The following MET variants were observed in gnomAD, a reference collection of about 807,000 sequenced individuals.
MET encodes MET proto-oncogene, receptor tyrosine kinase, also known as hepatocyte growth factor receptor.
In MET, 48 loss-of-function variants were observed where a neutral mutation model predicts 133.1. That is an observed-to-expected ratio of 0.36 (90% CI 0.29 to 0.46). MET has a LOEUF of 0.46. Ranked by LOEUF, MET falls within the 20% of genes least tolerant of loss-of-function variation. MET has a pLI of 1.00. For missense variants in MET, 1,442 were observed against 1,695.9 expected (o/e 0.85, Z 2.63); for synonymous variants, 628 against 616.5 (o/e 1.02, Z -0.28).
chr7:116,730,131 G>A (rs1235268752), intron 2 of MET, among the ~76,000 whole-genome samples: 2 of 152,214 alleles, frequency 1.3e-5, no homozygotes, highest in Non-Finnish European at 1.5e-5. Context: ...GTCAGGGCAG[G>A]CCTCCTGAAG....
At chr7:116,713,766 C>A (rs891471383) in intron 2 of MET, among the ~76,000 whole-genome samples, 2 of 152,246 alleles carry the variant, frequency 1.3e-5, no homozygotes, top group East Asian at 1.9e-4. Flanking sequence ...TGGGCTTGAA[C>A]GATATATTGG....
chr7:116,682,219 G>A (rs1056647701), intron 1 of MET, among the ~76,000 whole-genome samples: 2 of 152,172 alleles, frequency 1.3e-5, no homozygotes, highest in African/African-American at 4.8e-5. Context: ...AAAGGTGACA[G>A]CCCTTGAATC....
intron 19 of MET, among the ~76,000 whole-genome samples, chr7:116,790,636 G>C (rs905311101): frequency 2.6e-5 from 4 of 152,144 alleles, no homozygotes; most frequent in Non-Finnish European, 4.4e-5. Flanking sequence ...ACAGAGACAG[G>C]ATTGCTGGAT....
At chr7:116,739,447 C>T (rs1584921403) in intron 3 of MET, among the ~76,000 whole-genome samples, 1 of 152,224 alleles carries the variant, frequency 6.6e-6, no homozygotes, top group East Asian at 1.9e-4. Context: ...CTGTTTTGAC[C>T]TGAAAAGATC....
intron 5 of MET, among the ~76,000 whole-genome samples, chr7:116,745,725 A>G (rs1354591573): frequency 6.6e-6 from 1 of 152,258 alleles, no homozygotes. Context: ...CTGGCTAGCC[A>G]TATGGAGAAA....
At position 116,699,564 on chromosome 7, in the gene MET, C is replaced by G. The variant is rs1294924754; in HGVS notation, c.480C>G (p.Cys160Trp). ...HTADIQSEVH[C>W]IFSPQIEEPS... ...CTGACATACAGTCGGAGGTTCACTG[C>G]ATATTCTCCCCACAGATAGAAGAGC... Residue 160 changes from cysteine to tryptophan, a missense_variant, in exon 2 of 21, where the codon TGC becomes TGG. This residue lies in a region of MET where 762 missense variants were observed against 792.4 expected (regional missense o/e 0.96). Transcript: ENST00000397752. 1 of 1,614,020 alleles carries G rather than the reference C, an allele frequency of 6.2e-7. No individual in the cohort carries two copies. Among genetic ancestry groups the G allele is most frequent in the Non-Finnish European group, 8.5e-7 (1 of 1,179,954 alleles).
chr7:116,747,077 G>A (rs1018283471), intron 5 of MET, among the ~76,000 whole-genome samples: 7 of 152,136 alleles, frequency 4.6e-5, no homozygotes, highest in Non-Finnish European at 7.4e-5. Context: ...ATCCTTTACA[G>A]TCAAGCAAAT....
At chr7:116,771,447 C>G in intron 12 of MET, 51 bp from the exon 13 acceptor site, 3 of 1,610,888 alleles carry the variant, frequency 1.9e-6, no homozygotes. Context: ...CTGTGTAGTA[C>G]AAATATCTAT....
chr7:116,697,333 T>C (rs779070975), intron 1 of MET, among the ~76,000 whole-genome samples: 6 of 152,174 alleles, frequency 3.9e-5, no homozygotes, highest in Non-Finnish European at 7.3e-5. Context: ...GTTACCTCAT[T>C]ATGGGATATA....
intron 15 of MET, among the ~76,000 whole-genome samples, chr7:116,776,197 T>A (rs558132414): frequency 6.6e-6 from 1 of 152,328 alleles, no homozygotes; most frequent in East Asian, 1.9e-4. Context: ...ATGGCGTGAT[T>A]TCCCTTATAT....
Position 116,767,193 on chromosome 7 carries a change from G to C in MET, c.2584-2452G>C, listed in dbSNP as rs561710830. ...CCTCCTCTCATAGTGTTATTTTTCA[G>C]ATCCTACCCACTTCCACTCCCATCT... On this transcript the variant is annotated intron_variant, in intron 11 of 20. Coordinates refer to ENST00000397752, the MANE Select transcript of MET (RefSeq NM_000245.4). Among the ~76,000 whole-genome samples the C allele has an allele frequency of 4.6e-5, 7 of 152,192 alleles. No homozygotes were observed. The South Asian group carries it at 1.2e-3, about 27-fold the overall frequency.
At chr7:116,680,612 G>A (rs983580721) in intron 1 of MET, among the ~76,000 whole-genome samples, 3 of 152,066 alleles carry the variant, frequency 2.0e-5, no homozygotes, top group South Asian at 4.2e-4. Flanking sequence ...TTAAGAATCA[G>A]GCTGCCTGAA....
intron 11 of MET, among the ~76,000 whole-genome samples, chr7:116,766,829 G>A (rs993259196): frequency 6.6e-6 from 1 of 152,106 alleles, no homozygotes; most frequent in Non-Finnish European, 1.5e-5. Context: ...GTACCTAGTA[G>A]TAAAGGTCCC....
intron 3 of MET, among the ~76,000 whole-genome samples, chr7:116,732,730 T>C (rs897090701): frequency 2.0e-5 from 3 of 152,184 alleles, no homozygotes; most frequent in Admixed American, 1.3e-4. Flanking sequence ...CAACTGAGAA[T>C]GATAAGCTTT....
At chr7:116,785,167 C>G (rs1795273373) in intron 19 of MET, among the ~76,000 whole-genome samples, 2 of 152,246 alleles carry the variant, frequency 1.3e-5, no homozygotes, top group Non-Finnish European at 2.9e-5. Context: ...TCCTGTGGCT[C>G]TACAGGGCTC....
At chr7:116,680,652 G>A (rs1273178275) in intron 1 of MET, among the ~76,000 whole-genome samples, 1 of 152,022 alleles carries the variant, frequency 6.6e-6, no homozygotes, top group Non-Finnish European at 1.5e-5. Context: ...AGGTCAAAAT[G>A]GTGTATAGGC....
intron 3 of MET, among the ~76,000 whole-genome samples, chr7:116,736,144 A>G (rs1793202772): frequency 6.6e-6 from 1 of 152,194 alleles, no homozygotes; most frequent in East Asian, 1.9e-4. Flanking sequence ...TGTAAGAAAG[A>G]ACTTTTTATA....
chr7:116,777,509 G>A, intron 16 of MET, 40 bp downstream of exon 16: 2 of 1,578,826 alleles, frequency 1.3e-6, no homozygotes, highest in Non-Finnish European at 1.7e-6. Context: ...ATACTTTTGT[G>A]GTTTGCAACC....
At chr7:116,687,040 G>T (rs1796587865) in intron 1 of MET, among the ~76,000 whole-genome samples, 1 of 152,238 alleles carries the variant, frequency 6.6e-6, no homozygotes, top group Admixed American at 6.5e-5. Flanking sequence ...GCCTGGGCGT[G>T]TTGCAGGTGG....
Sources: gnomAD v4.1 joint callset for allele counts (sites outside exome capture counted in the v4.1 genomes callset) on GRCh38, gnomAD v4.1.1 for gene constraint, gnomAD v4.1.1 regional missense constraint, MANE v1.5 for transcripts, NCBI Gene and HGNC (gene_info 2026-07-23, HGNC 2026-07-21) for gene names.